Variants in CFAP298 observed in about 807,000 individuals in gnomAD.
CFAP298 encodes cilia and flagella associated protein 298, also known as cilia- and flagella-associated protein 298.
CFAP298 carries 38 observed loss-of-function variants against 41.0 expected under a neutral mutation model. The observed-to-expected ratio is 0.93, with a 90% confidence interval of 0.72 to 1.22. The LOEUF is 1.22. Among genes scored for constraint, CFAP298 ranks in the 50% most tolerant of loss-of-function variants. The pLI, the probability that CFAP298 is intolerant of heterozygous loss-of-function variation, is 0.00. For synonymous variants in CFAP298, 137 were observed against 135.3 expected (o/e 1.01, Z -0.09); for missense variants, 348 against 360.3 (o/e 0.97, Z 0.28).
chr21:32,600,174 C>T lies in CFAP298; in HGVS notation c.*1689G>A, dbSNP rs746368392. Among the ~76,000 whole-genome samples, 3 of 151,530 alleles carry T rather than the reference C, an allele frequency of 2.0e-5. No homozygotes were observed. Among genetic ancestry groups the T allele is most frequent in the Non-Finnish European group, 2.9e-5 (2 of 68,000 alleles). ...CAGCATCTTATTGCATATACTACAT[C>T]ATCCAAGGTCAAAACCCTTTCATAG... On this transcript the variant is annotated 3_prime_UTR_variant, in exon 7 of 7. Transcript: ENST00000290155.
rs1005894549 is a variant in CFAP298 at position 32,601,274 on chromosome 21, A to G, written c.*589T>C. Among the ~76,000 whole-genome samples the G allele has an allele frequency of 2.0e-5, 3 of 150,868 alleles. No homozygotes were observed. In the East Asian group the frequency reaches 5.8e-4, roughly 29 times the overall value. On this transcript the variant is annotated 3_prime_UTR_variant, in exon 7 of 7. Coordinates refer to ENST00000290155, the MANE Select transcript of CFAP298 (RefSeq NM_021254.4). Reference sequence around the variant, plus strand: ...ATGAGAATATAAAACAATCAGGAAGAAAAAAAAGTGTAGCTTTTTTTTTTT... The same window carrying G: ...ATGAGAATATAAAACAATCAGGAAGGAAAAAAAGTGTAGCTTTTTTTTTTT...
chr21:32,606,388 A>G (rs2038867031), intron 3 of CFAP298, among the ~76,000 whole-genome samples: 1 of 152,218 alleles, frequency 6.6e-6, no homozygotes, highest in Admixed American at 6.5e-5. Flanking sequence ...GATAAAAAGT[A>G]CTTTCAGAAG....
chr21:32,610,042 C>T (rs1460936777), intron 1 of CFAP298, 37 bp from the exon 2 acceptor site: 2 of 1,559,742 alleles, frequency 1.3e-6, no homozygotes, highest in Non-Finnish European at 8.8e-7. Context: ...ACAATCATAA[C>T]ACCTCATACC....
rs990003470 is a variant in CFAP298 at position 32,602,720 on chromosome 21, C to T, written c.667-353G>A. The stretch of plus-strand genomic sequence containing the variant: ...TTTCCCCAAAATCACAGCCTAGTGA[C>T]GTAGGAGCACCCACAAAACCAAGGC... On this transcript the variant is annotated intron_variant, in intron 5 of 6. Coordinates refer to ENST00000290155, the MANE Select transcript of CFAP298 (RefSeq NM_021254.4). 1.2e-5 allele frequency: 15 copies of T among 1,248,812 alleles called. No homozygotes were observed. The East Asian group carries it at 2.9e-4, about 24-fold the overall frequency. The allele number at this position is 1,248,812 out of a possible 1,614,324, so 77.4% of individuals were successfully genotyped here.
rs1288343146 is a variant in CFAP298 at position 32,600,762 on chromosome 21, T to C, written c.*1101A>G. Among the ~76,000 whole-genome samples, 1 of 152,202 alleles carries C rather than the reference T, an allele frequency of 6.6e-6. No individual in the cohort carries two copies. Among genetic ancestry groups the C allele is most frequent in the Non-Finnish European group, 1.5e-5 (1 of 68,046 alleles). On this transcript the variant is annotated 3_prime_UTR_variant, in exon 7 of 7. Coordinates refer to ENST00000290155, the MANE Select transcript of CFAP298 (RefSeq NM_021254.4). ...CACTGAGCTGCGTACGAAGCTGGCC[T>C]AGAATCAGACCCCGCATCCATAGGG...
chr21:32,607,804 G>C (rs959463259), intron 2 of CFAP298, 88 bp from the exon 3 acceptor site: 12 of 793,718 alleles, frequency 1.5e-5, no homozygotes, highest in Non-Finnish European at 2.5e-5. Flanking sequence ...TCTGAGTCAG[G>C]GGGTAAATGA....
At chr21:32,611,343 T>TATATTTATATATATA (rs1568998532) in intron 1 of CFAP298, among the ~76,000 whole-genome samples, 1 of 121,138 alleles carries the variant, frequency 8.3e-6, no homozygotes, top group Non-Finnish European at 1.7e-5. Flanking sequence ...ATATATAATT[T>TATATTTATATATATA]ATTTATATTT....
intron 5 of CFAP298, 73 bp from the exon 6 acceptor site, chr21:32,602,440 T>C: frequency 6.5e-7 from 1 of 1,545,950 alleles, no homozygotes; most frequent in Non-Finnish European, 8.7e-7. Flanking sequence ...TTACAACAAA[T>C]GTTTTACGAT....
At position 32,609,806 on chromosome 21, in the gene CFAP298, A is replaced by G. The variant is rs868486739; in HGVS notation, c.307+32T>C. ...TGTTTTCATACTTATGCCTGTATCA[A>G]GCATGCACATAGAAGAGAAATCCTC... On this transcript the variant is annotated intron_variant, in intron 2 of 6. Coordinates refer to ENST00000290155, the MANE Select transcript of CFAP298 (RefSeq NM_021254.4). 8.2e-6 allele frequency: 13 copies of G among 1,591,012 alleles called. No individual in the cohort carries two copies. In the Middle Eastern group the frequency reaches 6.7e-4, roughly 82 times the overall value.
At chr21:32,609,771 A>G in intron 2 of CFAP298, 67 bp downstream of exon 2, 3 of 1,458,850 alleles carry the variant, frequency 2.1e-6, no homozygotes, top group Non-Finnish European at 2.8e-6. Flanking sequence ...TCAAAAAAAA[A>G]AAAAGGAACT....
chr21:32,602,680 A>C lies in CFAP298; in HGVS notation c.667-313T>G, dbSNP rs113859676. 866 of 1,255,650 alleles carry C rather than the reference A, an allele frequency of 6.9e-4. No homozygotes were observed. In the African/African-American group the frequency reaches 7.6e-3, roughly 11 times the overall value. 77.8% of individuals were successfully genotyped at this position (1,255,650 alleles called of 1,614,324 possible). A position where few individuals can be genotyped will look rare whatever the true frequency, so the allele number is the denominator to read the frequency against. On this transcript the variant is annotated intron_variant, in intron 5 of 6. Coordinates refer to ENST00000290155, the MANE Select transcript of CFAP298 (RefSeq NM_021254.4). ...GAGCCACGGACTCTGGATCTACATA[A>C]GGTGGAGGGCCCCATTTCCCCAAAA...
intron 1 of CFAP298, 27 bp downstream of exon 1, chr21:32,612,078 C>G (rs767614318): frequency 5.0e-5 from 77 of 1,538,424 alleles, no homozygotes; most frequent in Non-Finnish European, 2.6e-6. Context: ...TCGATCTGTC[C>G]GGGATGGGCC....
intron 2 of CFAP298, 49 bp from the exon 3 acceptor site, chr21:32,607,765 C>T (rs2038900370): frequency 8.6e-7 from 1 of 1,162,544 alleles, no homozygotes; most frequent in Middle Eastern, 2.1e-4. Context: ...AAATACAAAG[C>T]CTCTTCTGAA....
chr21:32,602,392 T>C (rs995680562), intron 5 of CFAP298, 25 bp from the exon 6 acceptor site: 1 of 1,604,288 alleles, frequency 6.2e-7, no homozygotes, highest in South Asian at 1.1e-5. Flanking sequence ...GCAGAGCAAA[T>C]TGTGGATTAA....
chr21:32,608,242 AAAG>A (rs1201232373), intron 2 of CFAP298, among the ~76,000 whole-genome samples: 18 of 138,656 alleles, frequency 1.3e-4, no homozygotes, highest in East Asian at 6.6e-4. Context: ...AAAAAAAAAA[AAAG>A]AAGAAGATGG....
In CFAP298 at chr21:32,603,210, T is replaced by A; in HGVS notation, c.617A>T (p.Asp206Val). 6.2e-7 allele frequency: 1 copy of A among 1,614,222 alleles called. No individual in the cohort carries two copies. The change falls in exon 5 of 7, where the codon GAC becomes GTC. Residue 206 changes from aspartate (D) to valine (V), a missense_variant. Physicochemically the swap from Asp to Val is radical, Grantham distance 152. Coordinates refer to ENST00000290155, the MANE Select transcript of CFAP298 (RefSeq NM_021254.4). ...GGTTTTTTCATTCTTCCCCACGTAGTCTGAAAGCTTCTTCGTTCTTCTCAG... is the reference window on the plus strand; with the variant it reads ...GGTTTTTTCATTCTTCCCCACGTAGACTGAAAGCTTCTTCGTTCTTCTCAG... ...KELRRTKKLSDYVGKNEKTKI... is the reference protein window; with the variant it reads ...KELRRTKKLSVYVGKNEKTKI...
rs183552706 is a variant in CFAP298, at chr21:32,612,333, A to T, written c.-90T>A. On this transcript the variant is annotated 5_prime_UTR_variant, in exon 1 of 7. Coordinates refer to ENST00000290155, the MANE Select transcript of CFAP298 (RefSeq NM_021254.4). ...GGCCGAGGGTCGCCGGATCGCCAGCAGCTGCGACGCACTAACAGCCGCTCA... is the reference window on the plus strand; with the variant it reads ...GGCCGAGGGTCGCCGGATCGCCAGCTGCTGCGACGCACTAACAGCCGCTCA... The T allele has an allele frequency of 4.5e-4, 659 of 1,456,236 alleles. 4 individuals carry two copies. In the African/African-American group the frequency reaches 8.0e-3, roughly 18 times the overall value. The allele number at this position is 1,456,236 out of a possible 1,614,324, so 90.2% of individuals were successfully genotyped here.
In CFAP298 at chr21:32,609,876, A is replaced by G. The variant is rs764324895; in HGVS notation, c.269T>C (p.Val90Ala). The part of the protein sequence containing the change: ...GEKCVPSGGA[V>A]FKKDDIGRRN... ...TCGTCCAATATCATCCTTTTTAAACACTGCACCTCCGCTGGGTACGCATTT... is the reference window on the plus strand; with the variant it reads ...TCGTCCAATATCATCCTTTTTAAACGCTGCACCTCCGCTGGGTACGCATTT... The change falls in exon 2 of 7, where the codon GTG becomes GCG. Residue 90 changes from valine (V) to alanine (A), a missense_variant. By Grantham distance (64) the Val-to-Ala change is moderately conservative (BLOSUM62 0). Transcript: ENST00000290155. 1 of 1,614,082 alleles carries G rather than the reference A, an allele frequency of 6.2e-7. No homozygotes were observed. The highest frequency in any genetic ancestry group is 1.1e-5 in the South Asian group (1 of 91,072).
chr21:32,610,302 C>A (rs2038962661), intron 1 of CFAP298, among the ~76,000 whole-genome samples: 1 of 152,006 alleles, frequency 6.6e-6, no homozygotes, highest in South Asian at 2.1e-4. Context: ...TGCAGCATTG[C>A]CTCCCGGGTT....
Sources: allele counts gnomAD v4.1 joint callset (sites outside exome capture counted in the v4.1 genomes callset), GRCh38; gene constraint gnomAD v4.1.1; transcripts MANE v1.5; gene names NCBI Gene and HGNC (gene_info 2026-07-23, HGNC 2026-07-21).